SLC19A2: variants seen among roughly 807,000 people sequenced by gnomAD.
SLC19A2 encodes thiamine transporter 1.
SLC19A2 carries 27 observed loss-of-function variants against 44.7 expected under a neutral mutation model. The ratio of observed to expected loss-of-function variants is 0.60; its 90% CI spans 0.45 to 0.83. The LOEUF is 0.83. Ranked by LOEUF, SLC19A2 falls within the 40% of genes least tolerant of loss-of-function variation. The pLI is 0.00. For synonymous variants in SLC19A2, 239 were observed against 243.6 expected, an observed-to-expected ratio of 0.98 and a Z score of 0.18; for missense variants, 566 against 613.7, an observed-to-expected ratio of 0.92 and a Z score of 0.82.
intron 2 of SLC19A2, among the ~76,000 whole-genome samples, chr1:169,471,075 C>T (rs1275631498): frequency 7.0e-6 from 1 of 142,970 alleles, no homozygotes; most frequent in African/African-American, 2.6e-5. Context: ...AAAAAAAAAA[C>T]CCACAGAAAA....
intron 5 of SLC19A2, 81 bp downstream of exon 5, chr1:169,468,030 G>C: frequency 1.4e-6 from 2 of 1,414,662 alleles, no homozygotes; most frequent in Non-Finnish European, 2.0e-6. Flanking sequence ...GTTTGGATTT[G>C]TTTTCATTAA....
Position 169,464,340 on chromosome 1 carries a change from A to G in SLC19A2, c.*1509T>C, listed in dbSNP as rs1392410256. On this transcript the variant is annotated 3_prime_UTR_variant, in exon 6 of 6. Transcript: ENST00000236137. Reference sequence around the variant, plus strand: ...TAAAATGAAGGTTGCTACTTTTATGATATCACTTCCCTTTCCCTTCCTTAG... The same window carrying G: ...TAAAATGAAGGTTGCTACTTTTATGGTATCACTTCCCTTTCCCTTCCTTAG... 1 of 152,456 alleles carries G rather than the reference A, an allele frequency of 6.6e-6. No homozygotes were observed. The highest frequency in any genetic ancestry group is 1.5e-5 in the Non-Finnish European group (1 of 68,010). 9.4% of individuals were successfully genotyped at this position (152,456 alleles called of 1,614,324 possible).
chr1:169,479,983 A>C (rs1248679603), intron 1 of SLC19A2, among the ~76,000 whole-genome samples: 1 of 152,260 alleles, frequency 6.6e-6, no homozygotes, highest in Non-Finnish European at 1.5e-5. Flanking sequence ...TCTGAAATAC[A>C]TTCCAGACAA....
rs886045531 is a variant in SLC19A2 at position 169,485,768 on chromosome 1, C to A, written c.-2G>T. The A allele has an allele frequency of 1.3e-6, 2 of 1,530,796 alleles. No homozygotes were observed. Among genetic ancestry groups the A allele is most frequent in the Non-Finnish European group, 8.7e-7 (1 of 1,143,712 alleles). The allele number at this position is 1,530,796 out of a possible 1,614,324, so 94.8% of individuals were successfully genotyped here. On this transcript the variant is annotated 5_prime_UTR_variant, in exon 1 of 6. Coordinates refer to ENST00000236137, the MANE Select transcript of SLC19A2 (RefSeq NM_006996.3). ...AGACACCGGGCCGGGCACATCCATCCGGGGCGCGAGGGGAGGGGACCCGGC... is the reference window on the plus strand; with the variant it reads ...AGACACCGGGCCGGGCACATCCATCAGGGGCGCGAGGGGAGGGGACCCGGC...
At position 169,477,714 on chromosome 1, in the gene SLC19A2, ACCAGGT is replaced by A. The variant is rs1658357756; in HGVS notation, c.242_247del (p.Tyr81_Val83delinsLeu). The A allele has an allele frequency of 6.2e-7, 1 of 1,613,686 alleles. No individual in the cohort carries two copies. The highest frequency in any genetic ancestry group is 8.5e-7 in the Non-Finnish European group (1 of 1,179,870). On this transcript the variant is annotated inframe_deletion, in exon 2 of 6. Transcript: ENST00000236137. ...GGCAAGGAACACAGGAAACAGTAGC[ACCAGGT>A]AAGAGTAAGTCCATACTGGATAAAT... is the stretch of plus-strand genomic sequence containing the variant.
At chr1:169,481,937 G>A (rs1658451209) in intron 1 of SLC19A2, among the ~76,000 whole-genome samples, 1 of 152,342 alleles carries the variant, frequency 6.6e-6, no homozygotes, top group African/African-American at 2.4e-5. Context: ...AGTGGCTCAT[G>A]CCTGTAATCC....
rs972290256 is a variant in SLC19A2 at position 169,485,839 on chromosome 1, G to A, written c.-73C>T. 4.1e-6 allele frequency: 6 copies of A among 1,458,086 alleles called. No individual in the cohort carries two copies. In the Admixed American group the frequency reaches 9.8e-5, roughly 24 times the overall value. 90.3% of individuals were successfully genotyped at this position (1,458,086 alleles called of 1,614,324 possible). ...CTCCGCCAACTGGAGTGAGGGTCAG[G>A]CACTTGTAACCGCGAGTGACGCCTT... On this transcript the variant is annotated 5_prime_UTR_variant, in exon 1 of 6. Transcript: ENST00000236137.
intron 5 of SLC19A2, 92 bp downstream of exon 5, chr1:169,468,019 T>C: frequency 7.9e-7 from 1 of 1,261,432 alleles, no homozygotes; most frequent in Admixed American, 1.7e-5. Context: ...TGTTCCCTAT[T>C]GTTTGGATTT....
intron 2 of SLC19A2, among the ~76,000 whole-genome samples, chr1:169,476,795 A>C (rs1344044990): frequency 6.6e-6 from 1 of 152,170 alleles, no homozygotes; most frequent in Non-Finnish European, 1.5e-5. Context: ...CATTTATTAG[A>C]ATCATTTCAT....
chr1:169,478,162 G>A (rs574364088), intron 1 of SLC19A2, among the ~76,000 whole-genome samples: 73 of 152,090 alleles, frequency 4.8e-4, no homozygotes, highest in Admixed American at 1.3e-3. Context: ...CTCCCAAAGC[G>A]CTAGGATTAC....
At chr1:169,475,500 C>A (rs80032696) in intron 2 of SLC19A2, among the ~76,000 whole-genome samples, 2 of 152,018 alleles carry the variant, frequency 1.3e-5, no homozygotes, top group Non-Finnish European at 2.9e-5. Context: ...TATATTTATA[C>A]ACATATTATC....
rs765335518 is a variant in SLC19A2 at position 169,477,540 on chromosome 1, T to C, written c.422A>G (p.Tyr141Cys). The change falls in exon 2 of 6, where the codon TAT becomes TGT. Residue 141 changes from tyrosine (Y) to cysteine (C), a missense_variant. Transcript: ENST00000236137. ...YGIATATEIA[Y>C]YSYIYSVVDL... Reference sequence around the variant, plus strand: ...CACCACACTGTAGATATAAGAGTAATAGGCAATTTCAGTGGCTGTGGCGAT... The same window carrying C: ...CACCACACTGTAGATATAAGAGTAACAGGCAATTTCAGTGGCTGTGGCGAT... 1.9e-6 allele frequency: 3 copies of C among 1,614,094 alleles called. No homozygotes were observed. Among genetic ancestry groups the C allele is most frequent in the South Asian group, 2.2e-5 (2 of 91,082 alleles).
intron 5 of SLC19A2, 106 bp downstream of exon 5, chr1:169,468,005 C>T: frequency 1.8e-6 from 2 of 1,132,734 alleles, no homozygotes; most frequent in Non-Finnish European, 2.7e-6. Context: ...TTTTACTTTA[C>T]ATCTGTTCCC....
In SLC19A2 at chr1:169,470,159, A is replaced by T; in HGVS notation, c.835T>A (p.Leu279Met). Residue 279 changes from leucine (L) to methionine (M), a missense_variant, in exon 3 of 6, where the codon TTG becomes ATG. Transcript: ENST00000236137. ...PEPKPDRLLV[L>M]KVLWNDFLMC... is the part of the protein sequence containing the mutation. The stretch of plus-strand genomic sequence containing the variant: ...AGGAAATCATTCCATAGTACTTTCA[A>T]TACAAGGAGACGGTCTGGCTTGGGT... 6.2e-7 allele frequency: 1 copy of T among 1,614,082 alleles called. No individual in the cohort carries two copies. The highest frequency in any genetic ancestry group is 8.5e-7 in the Non-Finnish European group (1 of 1,179,958).
At chr1:169,476,391 C>T (rs553523886) in intron 2 of SLC19A2, among the ~76,000 whole-genome samples, 2 of 152,272 alleles carry the variant, frequency 1.3e-5, no homozygotes, top group African/African-American at 4.8e-5. Flanking sequence ...CCTTCTAGCA[C>T]AGAAGAGGAA....
At chr1:169,467,913 G>C (rs916501956) in intron 5 of SLC19A2, among the ~76,000 whole-genome samples, 198 bp downstream of exon 5, 27 of 152,208 alleles carry the variant, frequency 1.8e-4, no homozygotes, top group African/African-American at 5.1e-4. Flanking sequence ...AATGTTCTAA[G>C]ACCTGACAAT....
At position 169,468,238 on chromosome 1, in the gene SLC19A2, G is replaced by C. The variant is rs766202638; in HGVS notation, c.1238C>G (p.Ala413Gly). Reference protein sequence around the residue: ...LITIATFQIAANLSMERYALV... With the variant: ...LITIATFQIAGNLSMERYALV... ...GGCATAGCGTTCCATGCTGAGGTTT[G>C]CAGCAATTTGAAAACTTAAAAAAAA... Residue 413 changes from alanine to glycine, a missense_variant, in exon 5 of 6, where the codon GCA becomes GGA. Ala to Gly is a moderately conservative substitution (Grantham distance 60, BLOSUM62 0). Transcript: ENST00000236137. 1 of 1,613,326 alleles carries C rather than the reference G, an allele frequency of 6.2e-7. No homozygotes were observed. The highest frequency in any genetic ancestry group is 1.1e-5 in the South Asian group (1 of 90,974).
Position 169,470,101 on chromosome 1 carries a change from C to A in SLC19A2, c.893G>T (p.Trp298Leu). ...MCYSSRPLLC[W>L]SVWWALSTCG... The stretch of plus-strand genomic sequence containing the variant: ...GGTAGAGAGGGCCCACCACACAGAC[C>A]AGCAGAGAAGAGGGCGAGAGGAGTA... Residue 298 changes from tryptophan (W) to leucine (L), a missense_variant, in exon 3 of 6, where the codon TGG becomes TTG. Coordinates refer to ENST00000236137, the MANE Select transcript of SLC19A2 (RefSeq NM_006996.3). The A allele has an allele frequency of 6.2e-7, 1 of 1,614,060 alleles. No homozygotes were observed. Among genetic ancestry groups the A allele is most frequent in the African/African-American group, 1.3e-5 (1 of 75,010 alleles).
Position 169,485,935 on chromosome 1 carries a change from A to C in SLC19A2, c.-169T>G, listed in dbSNP as rs1658558260. ...TACAGAACCCCCAGCTTTACCCTAC[A>C]GACGCCTCTAGGGTCGCTGCCTGAT... On this transcript the variant is annotated 5_prime_UTR_variant, in exon 1 of 6. Coordinates refer to ENST00000236137, the MANE Select transcript of SLC19A2 (RefSeq NM_006996.3). 5 of 782,798 alleles carry C rather than the reference A, an allele frequency of 6.4e-6. No homozygotes were observed. Among genetic ancestry groups the C allele is most frequent in the Admixed American group, 5.8e-5 (2 of 34,286 alleles). The allele number at this position is 782,798 out of a possible 1,614,324, so 48.5% of individuals were successfully genotyped here.
Sources: allele counts gnomAD v4.1 joint callset (sites outside exome capture counted in the v4.1 genomes callset), GRCh38; gene constraint gnomAD v4.1.1; transcripts MANE v1.5; gene names NCBI Gene and HGNC (gene_info 2026-07-23, HGNC 2026-07-21).